Variants in TBC1D22B observed in about 807,000 individuals in gnomAD.
The protein encoded by TBC1D22B is chromosome 6 open reading frame 197.
In TBC1D22B, 32 loss-of-function variants were observed where a neutral mutation model predicts 69.1. The observed-to-expected ratio is 0.46, with a 90% CI of 0.35 to 0.62. The LOEUF is 0.62. TBC1D22B is among the 20% of genes least tolerant of loss of function. TBC1D22B has a pLI of 0.00. For missense variants in TBC1D22B, 462 were observed against 630.9 expected, an observed-to-expected ratio of 0.73 and a Z score of 2.87; for synonymous variants, 206 against 229.8, an observed-to-expected ratio of 0.90 and a Z score of 0.94.
intron 12 of TBC1D22B, among the ~76,000 whole-genome samples, chr6:37,318,251 A>G (rs545306521): frequency 1.3e-5 from 2 of 152,314 alleles, no homozygotes; most frequent in South Asian, 4.1e-4. Flanking sequence ...TCTGTTTAGT[A>G]AGTAGAGCCA....
chr6:37,328,978 C>T (rs1232206767), intron 12 of TBC1D22B, among the ~76,000 whole-genome samples: 1 of 152,064 alleles, frequency 6.6e-6, no homozygotes, highest in African/African-American at 2.4e-5. Context: ...TGGCCCACTT[C>T]GGCCTCCCAA....
At chr6:37,311,108 A>G (rs762914051) in intron 8 of TBC1D22B, among the ~76,000 whole-genome samples, 5 of 151,764 alleles carry the variant, frequency 3.3e-5, no homozygotes, top group African/African-American at 7.3e-5. Flanking sequence ...TAAGATAGCT[A>G]TATTGTGCCT....
At chr6:37,266,180 G>T (rs1025119256) in intron 1 of TBC1D22B, among the ~76,000 whole-genome samples, 1 of 152,116 alleles carries the variant, frequency 6.6e-6, no homozygotes, top group African/African-American at 2.4e-5. Context: ...GGTGATACTT[G>T]TACATGATAC....
intron 1 of TBC1D22B, among the ~76,000 whole-genome samples, chr6:37,264,911 T>G (rs1766223730): frequency 6.6e-6 from 1 of 151,886 alleles, no homozygotes; most frequent in South Asian, 2.1e-4. Flanking sequence ...TTGGAAGGAG[T>G]AGGTATGGTA....
intron 8 of TBC1D22B, among the ~76,000 whole-genome samples, chr6:37,309,215 C>T (rs1767829369): frequency 6.6e-6 from 1 of 152,172 alleles, no homozygotes. Flanking sequence ...TACTGAATGA[C>T]AGAGCCAGGA....
At chr6:37,305,683 A>AT (rs1254574751) in intron 8 of TBC1D22B, among the ~76,000 whole-genome samples, 31 of 151,798 alleles carry the variant, frequency 2.0e-4, no homozygotes, top group African/African-American at 7.5e-4. Context: ...ACGCCTGGCT[A>AT]TTATTTTTTT....
chr6:37,329,048 A>G (rs1365121286), intron 12 of TBC1D22B, among the ~76,000 whole-genome samples: 3 of 152,334 alleles, frequency 2.0e-5, no homozygotes, highest in East Asian at 1.9e-4. Flanking sequence ...TTACTAAAAA[A>G]AAAAGTTATT....
At chr6:37,297,278 G>A (rs1225380910) in intron 8 of TBC1D22B, among the ~76,000 whole-genome samples, 2 of 152,162 alleles carry the variant, frequency 1.3e-5, no homozygotes, top group Non-Finnish European at 2.9e-5. Flanking sequence ...ATTATAGTTG[G>A]TTGTCTTTCT....
intron 10 of TBC1D22B, among the ~76,000 whole-genome samples, chr6:37,316,485 G>A (rs1304839942): frequency 6.6e-6 from 1 of 152,220 alleles, no homozygotes; most frequent in Non-Finnish European, 1.5e-5. Flanking sequence ...ACTGGGGGAT[G>A]TTAAAATAGT....
intron 1 of TBC1D22B, among the ~76,000 whole-genome samples, chr6:37,264,711 G>A (rs1258840559): frequency 6.6e-6 from 1 of 152,204 alleles, no homozygotes; most frequent in Non-Finnish European, 1.5e-5. Flanking sequence ...GATGCTGGGG[G>A]TAGGGGTATG....
intron 8 of TBC1D22B, among the ~76,000 whole-genome samples, chr6:37,311,254 G>T (rs187395928): frequency 0.011 from 1,522 of 141,860 alleles, 15 homozygotes; most frequent in African/African-American, 0.034. Flanking sequence ...CTCAAGAGGG[G>T]TTTTTTTTTT....
chr6:37,291,168 G>T, intron 7 of TBC1D22B, 75 bp from the exon 8 acceptor site: 1 of 1,034,750 alleles, frequency 9.7e-7, no homozygotes, highest in South Asian at 1.3e-5. Flanking sequence ...GGTAAATTGT[G>T]AAGTAGGTAA....
chr6:37,282,056 C>T, intron 3 of TBC1D22B, 129 bp from the exon 4 acceptor site: 2 of 1,040,640 alleles, frequency 1.9e-6, no homozygotes, highest in Non-Finnish European at 2.9e-6. Flanking sequence ...CAGCTGGGCA[C>T]CTCAGACAGT....
At chr6:37,270,176 G>A (rs959121152) in intron 2 of TBC1D22B, among the ~76,000 whole-genome samples, 4 of 152,192 alleles carry the variant, frequency 2.6e-5, no homozygotes, top group Non-Finnish European at 5.9e-5. Context: ...TTAGGGCTGG[G>A]CATGGTGGCT....
intron 12 of TBC1D22B, among the ~76,000 whole-genome samples, chr6:37,318,658 TGA>T (rs1332026617): frequency 6.6e-6 from 1 of 152,004 alleles, no homozygotes; most frequent in Non-Finnish European, 1.5e-5. Flanking sequence ...CAGAGGTGGC[TGA>T]GAGGGGATGA....
intron 12 of TBC1D22B, among the ~76,000 whole-genome samples, chr6:37,330,243 T>C (rs1385056367): frequency 1.9e-5 from 1 of 53,046 alleles, no homozygotes; most frequent in Non-Finnish European, 4.5e-5. Flanking sequence ...TTTTTTTTTT[T>C]TTTTTTTTTT....
At chr6:37,320,150 C>T (rs1468345310) in intron 12 of TBC1D22B, among the ~76,000 whole-genome samples, 1 of 152,114 alleles carries the variant, frequency 6.6e-6, no homozygotes, top group Non-Finnish European at 1.5e-5. Context: ...GGAAAAAGAG[C>T]CAGATATAAA....
At position 37,257,850 on chromosome 6, in the gene TBC1D22B, CG is replaced by C. The variant is rs1181525591; in HGVS notation, c.-64del. ...GCGGCCTGGGTTGGCCCTCAGATTG[CG>C]GGGTCTGGGGGCATCTCGCCGGGCA... On this transcript the variant is annotated 5_prime_UTR_variant, in exon 1 of 13. Coordinates refer to ENST00000373491, the MANE Select transcript of TBC1D22B (RefSeq NM_017772.4). The C allele has an allele frequency of 4.5e-6, 7 of 1,553,750 alleles. No homozygotes were observed. The highest frequency in any genetic ancestry group is 4.4e-6 in the Non-Finnish European group (5 of 1,142,978).
intron 8 of TBC1D22B, among the ~76,000 whole-genome samples, chr6:37,307,923 A>G (rs1562061400): frequency 6.6e-6 from 1 of 152,228 alleles, no homozygotes; most frequent in Non-Finnish European, 1.5e-5. Flanking sequence ...TGGTAAAACC[A>G]GTTCTTCCTA....
Sources: allele counts gnomAD v4.1 joint callset (sites outside exome capture counted in the v4.1 genomes callset), GRCh38; gene constraint gnomAD v4.1.1; transcripts MANE v1.5; gene names NCBI Gene and HGNC (gene_info 2026-07-23, HGNC 2026-07-21).